Variants in BRSK2 observed in about 807,000 individuals in gnomAD.
BRSK2 encodes the protein serine/threonine-protein kinase BRSK2.
BRSK2 carries 19 observed loss-of-function variants against 83.3 expected under a neutral mutation model. The observed-to-expected ratio is 0.23, with a 90% CI of 0.16 to 0.33. The LOEUF (loss-of-function observed/expected upper bound fraction) is 0.33. Ranked by LOEUF, BRSK2 falls within the 10% of genes least tolerant of loss-of-function variation. The pLI, the probability that BRSK2 is intolerant of heterozygous loss-of-function variation, is 1.00. For missense variants in BRSK2, 798 were observed against 1,042.3 expected (o/e 0.77, Z 3.23); for synonymous variants, 519 against 435.4 (o/e 1.19, Z -2.39).
rs1289312698 is a variant in BRSK2 at position 1,460,718 on chromosome 11, C to G, written c.2206C>G (p.Pro736Ala). The G allele has an allele frequency of 2.1e-6, 3 of 1,434,050 alleles. No individual in the cohort carries two copies. Among genetic ancestry groups the G allele is most frequent in the Non-Finnish European group, 1.8e-6 (2 of 1,089,912 alleles). 88.8% of individuals were successfully genotyped at this position (1,434,050 alleles called of 1,614,324 possible). A position where few individuals can be genotyped will look rare whatever the true frequency, so the allele number is the denominator to read the frequency against. The change falls in exon 20 of 20, where the codon CCT becomes GCT. Residue 736 changes from proline (P) to alanine (A), a missense_variant. Pro to Ala is a conservative substitution (Grantham distance 27, BLOSUM62 -1). This residue lies in a region of BRSK2 where 455 missense variants were observed against 455.2 expected (regional missense o/e 1.00). Transcript: ENST00000528841. ...MGPPTARREQ[P>A] ...CCCGCCCACCGCCCGCCGCGAGCAG[C>G]CTTAGACACACTAGCCCCCCCCCCC...
At chr11:1,440,461 C>A (rs1851060518) in intron 3 of BRSK2, among the ~76,000 whole-genome samples, 2 of 152,100 alleles carry the variant, frequency 1.3e-5, no homozygotes. Context: ...AGCCTTGGCC[C>A]CAGCACCCGC....
chr11:1,434,735 G>T (rs1271046014), intron 1 of BRSK2, among the ~76,000 whole-genome samples: 1 of 152,020 alleles, frequency 6.6e-6, no homozygotes, highest in Non-Finnish European at 1.5e-5. Context: ...CCGGCTCTGG[G>T]TGTCTGGGCG....
chr11:1,402,053 C>T (rs1163796595), intron 1 of BRSK2, among the ~76,000 whole-genome samples: 2 of 152,210 alleles, frequency 1.3e-5, no homozygotes, highest in South Asian at 2.1e-4. Context: ...CCTCGTGCCC[C>T]GCCAGGGCCT....
rs1847418802 is a variant in BRSK2, at chr11:1,460,895, C to T, written c.*172C>T. ...GCCGGCCTGTGGGCTGCGCCACCCG[C>T]GCCCGCTCTCTTTTCTCTCTGTCTC... On this transcript the variant is annotated 3_prime_UTR_variant, in exon 20 of 20. Coordinates refer to ENST00000528841, the MANE Select transcript of BRSK2 (RefSeq NM_001256627.2). The T allele has an allele frequency of 1.2e-5, 20 of 1,604,748 alleles. No homozygotes were observed. The highest frequency in any genetic ancestry group is 4.5e-5 in the South Asian group (4 of 89,850).
chr11:1,390,341 C>T lies in BRSK2; in HGVS notation c.57C>T (p.Tyr19=), dbSNP rs867752792. 2 of 1,049,214 alleles carry T rather than the reference C, an allele frequency of 1.9e-6. No homozygotes were observed. Among genetic ancestry groups the T allele is most frequent in the Non-Finnish European group, 2.3e-6 (2 of 861,548 alleles). The allele number at this position is 1,049,214 out of a possible 1,614,324, so 65.0% of individuals were successfully genotyped here. The stretch of plus-strand genomic sequence containing the variant: ...AGCACGCGCAGTATGTTGGGCCCTA[C>T]CGGCTGGAGAAGACGCTGGGCAAGG... ...GAQHAQYVGP[Y]RLEKTLGKGQ... is the part of the protein sequence containing the mutation. Residue 19 remains tyrosine (Y), a synonymous_variant, in exon 1 of 20, where the codon TAC becomes TAT. Coordinates refer to ENST00000528841, the MANE Select transcript of BRSK2 (RefSeq NM_001256627.2). The surrounding 1 kb of genome is among the most constrained non-coding windows in gnomAD (Gnocchi z 6.8).
rs749521325 is a variant in BRSK2 at position 1,454,583 on chromosome 11, C to G, written c.1643C>G (p.Ala548Gly). 1 of 1,613,208 alleles carries G rather than the reference C, an allele frequency of 6.2e-7. No individual in the cohort carries two copies. Among genetic ancestry groups the G allele is most frequent in the South Asian group, 1.1e-5 (1 of 91,082 alleles). ...GACAAACCTCTGAGCTCCATCAAGG[C>G]TGACATCGTGCACGCCTTCCTGTCG... ...IKDKPLSSIK[A>G]DIVHAFLSIP... Residue 548 changes from alanine to glycine, a missense_variant, in exon 16 of 20, where the codon GCT (alanine) becomes GGT (glycine). By Grantham distance (60) the Ala-to-Gly change is moderately conservative. Coordinates refer to ENST00000528841, the MANE Select transcript of BRSK2 (RefSeq NM_001256627.2). This position sits in a 1 kb window ranked among gnomAD's most constrained non-coding sequence, Gnocchi z 5.2.
At chr11:1,401,838 C>T (rs1197087596) in intron 1 of BRSK2, among the ~76,000 whole-genome samples, 4 of 152,264 alleles carry the variant, frequency 2.6e-5, no homozygotes, top group Non-Finnish European at 5.9e-5. Context: ...GGGCGCCTGC[C>T]TTGGCGCTGG....
chr11:1,410,594 CG>C, intron 1 of BRSK2: 2 of 985,404 alleles, frequency 2.0e-6, no homozygotes, highest in Non-Finnish European at 2.4e-6. Flanking sequence ...GGAGTGGACT[CG>C]GGGGCTCCGA....
Position 1,440,779 on chromosome 11 carries a change from C to A in BRSK2, c.273-9C>A, listed in dbSNP as rs1167781492. On this transcript the variant is annotated splice_polypyrimidine_tract_variant and intron_variant, in intron 3 of 19. Transcript: ENST00000528841. ...CAGCTGGGCGCACTGGTGGCCCCGT[C>A]TCCTGCAGGTACCTGGTGCTAGAAC... The A allele has an allele frequency of 6.4e-7, 1 of 1,560,510 alleles. No individual in the cohort carries two copies. Among genetic ancestry groups the A allele is most frequent in the Non-Finnish European group, 8.7e-7 (1 of 1,152,162 alleles).
intron 13 of BRSK2, 61 bp from the exon 14 acceptor site, chr11:1,450,526 G>A (rs1304183606): frequency 5.0e-6 from 4 of 802,222 alleles, no homozygotes; most frequent in Non-Finnish European, 5.9e-6. Context: ...CCCTGCGGGT[G>A]CCCCCCCGGC....
At chr11:1,422,032 C>T (rs369695039) in intron 1 of BRSK2, among the ~76,000 whole-genome samples, 262 of 152,166 alleles carry the variant, frequency 1.7e-3, no homozygotes, top group African/African-American at 6.2e-3. Context: ...GGTTGGGGTG[C>T]CCCACGGGGG....
chr11:1,437,676 G>A (rs951828693), intron 2 of BRSK2, among the ~76,000 whole-genome samples: 44 of 152,348 alleles, frequency 2.9e-4, no homozygotes, highest in African/African-American at 1.0e-3. Flanking sequence ...CCCACCTCAT[G>A]GGGCCCACAG....
At position 1,440,884 on chromosome 11, in the gene BRSK2, G is replaced by A; in HGVS notation, c.369G>A (p.Arg123=). The A allele has an allele frequency of 6.2e-7, 1 of 1,609,590 alleles. No homozygotes were observed. The highest frequency in any genetic ancestry group is 8.5e-7 in the Non-Finnish European group (1 of 1,178,618). Residue 123 remains arginine, a synonymous_variant, in exon 4 of 20, where the codon CGG becomes CGA. Transcript: ENST00000528841. ...CTAAGGAGGCTCGGAAGTTCTTCCG[G>A]CAGATCATCTCTGCGCTGGACTTCT... ...LTPKEARKFF[R]QIISALDFCH... is the part of the protein sequence containing the mutation.
intron 2 of BRSK2, among the ~76,000 whole-genome samples, chr11:1,437,821 C>T (rs1471540280): frequency 6.6e-6 from 1 of 152,182 alleles, no homozygotes; most frequent in Admixed American, 6.5e-5. Flanking sequence ...AGCTCCAGGC[C>T]CCATTCCTGA....
chr11:1,413,766 C>T (rs1444507382), intron 1 of BRSK2, among the ~76,000 whole-genome samples: 3 of 152,232 alleles, frequency 2.0e-5, no homozygotes, highest in African/African-American at 4.8e-5. Flanking sequence ...GGGCCTGGCA[C>T]CCCCACTCCA....
At chr11:1,396,557 T>C (rs1427148051) in intron 1 of BRSK2, among the ~76,000 whole-genome samples, 3 of 152,146 alleles carry the variant, frequency 2.0e-5, no homozygotes, top group African/African-American at 4.8e-5. Flanking sequence ...ACAGCCTGAG[T>C]GGGCTGTGCC....
chr11:1,462,199 C>G lies in BRSK2; in HGVS notation c.*1476C>G, dbSNP rs1847577660. On this transcript the variant is annotated 3_prime_UTR_variant, in exon 20 of 20. Coordinates refer to ENST00000528841, the MANE Select transcript of BRSK2 (RefSeq NM_001256627.2). ...CAGCCCTCAGAGGGCTGCAGGCCCA[C>G]CCTGCCCAGTGCCCGCCGCCGTGCT... 6.6e-6 allele frequency: 1 copy of G among 152,372 alleles called. No homozygotes were observed. Among genetic ancestry groups the G allele is most frequent in the Admixed American group, 6.5e-5 (1 of 15,298 alleles). The allele number at this position is 152,372 out of a possible 1,614,324, so 9.4% of individuals were successfully genotyped here. A position where few individuals can be genotyped will look rare whatever the true frequency, so the allele number is the denominator to read the frequency against.
At chr11:1,395,118 C>G (rs1845989621) in intron 1 of BRSK2, among the ~76,000 whole-genome samples, 1 of 152,186 alleles carries the variant, frequency 6.6e-6, no homozygotes, top group Non-Finnish European at 1.5e-5. Context: ...CTGCGAGACC[C>G]CAGGAATTCT....
rs1847420227 is a variant in BRSK2 at position 1,460,900 on chromosome 11, GCT to G, written c.*182_*183del. ...CCTGTGGGCTGCGCCACCCGCGCCC[GCT>G]CTCTTTTCTCTCTGTCTCTGCCTCT... On this transcript the variant is annotated 3_prime_UTR_variant, in exon 20 of 20. Transcript: ENST00000528841. The G allele has an allele frequency of 1.3e-5, 21 of 1,607,656 alleles. 1 individual carries two copies. The South Asian group carries it at 1.6e-4, about 12-fold the overall frequency.
Sources: gnomAD v4.1 joint callset for allele counts (sites outside exome capture counted in the v4.1 genomes callset) on GRCh38, gnomAD v4.1.1 for gene constraint, gnomAD v4.1.1 regional missense constraint, Gnocchi (gnomAD v3.1) non-coding constraint, MANE v1.5 for transcripts, NCBI Gene and HGNC (gene_info 2026-07-23, HGNC 2026-07-21) for gene names.